ZNF808: variants seen among roughly 807,000 people sequenced by gnomAD.
The protein encoded by ZNF808 is zinc finger protein 808.
A neutral mutation model predicts 8.7 loss-of-function variants in ZNF808; 5 were observed. The observed-to-expected ratio is 0.58, with a 90% CI of 0.30 to 1.21. ZNF808 has a LOEUF of 1.21. Among genes scored for constraint, ZNF808 ranks in the 50% most tolerant of loss-of-function variants. The probability of loss-of-function intolerance (pLI) is 0.07; values close to 1 mark genes in which losing one functional copy is unlikely to be tolerated. For missense variants in ZNF808, 1,103 were observed against 1,098.4 expected (o/e 1.00, Z -0.06); for synonymous variants, 380 against 366.0 (o/e 1.04, Z -0.44).
intron 1 of ZNF808, among the ~76,000 whole-genome samples, chr19:52,528,861 G>T (rs1490623064): frequency 2.0e-5 from 3 of 151,994 alleles, no homozygotes; most frequent in Non-Finnish European, 4.4e-5. Context: ...ACGATTGAAA[G>T]ATTGGGGAGA....
In ZNF808 at chr19:52,554,174, C is replaced by T. The variant is rs1407567485; in HGVS notation, c.1258C>T (p.Leu420Phe). 6.2e-7 allele frequency: 1 copy of T among 1,613,932 alleles called. No individual in the cohort carries two copies. Among genetic ancestry groups the T allele is most frequent in the Admixed American group, 1.7e-5 (1 of 60,000 alleles). ...HQSSLARHHI[L>F]HTGEKPYKCE... ...ATCAAGCCTTGCACGTCATCATATACTTCATACTGGAGAGAAACCTTACAA... is the reference window on the plus strand; with the variant it reads ...ATCAAGCCTTGCACGTCATCATATATTTCATACTGGAGAGAAACCTTACAA... Residue 420 changes from leucine (L) to phenylalanine (F), a missense_variant, in exon 5 of 5, where the codon CTT becomes TTT. Physicochemically the swap from Leu to Phe is conservative, Grantham distance 22. Coordinates refer to ENST00000359798, the MANE Select transcript of ZNF808 (RefSeq NM_001039886.4).
intron 4 of ZNF808, among the ~76,000 whole-genome samples, chr19:52,550,705 GA>G (rs1305226443): frequency 6.6e-6 from 1 of 151,984 alleles, no homozygotes; most frequent in Non-Finnish European, 1.5e-5. Flanking sequence ...ATTTTTAGGA[GA>G]GATGGGGTTT....
chr19:52,533,325 C>G (rs1289395858), intron 2 of ZNF808, among the ~76,000 whole-genome samples: 1 of 152,066 alleles, frequency 6.6e-6, no homozygotes, highest in Non-Finnish European at 1.5e-5. Flanking sequence ...CTCCCAGGTA[C>G]ATGAGATTCT....
chr19:52,561,311 A>C (rs542392552), downstream of ZNF808, among the ~76,000 whole-genome samples: 1 of 151,306 alleles, frequency 6.6e-6, no homozygotes, highest in Non-Finnish European at 1.5e-5. Context: ...ACATGTATAC[A>C]TGTTCCATGT....
rs779563910 is a variant in ZNF808, at chr19:52,555,246, C to G, written c.2330C>G (p.Ser777Cys). 2 of 1,613,932 alleles carry G rather than the reference C, an allele frequency of 1.2e-6. No homozygotes were observed. The highest frequency in any genetic ancestry group is 4.5e-5 in the East Asian group (2 of 44,850). Residue 777 changes from serine to cysteine, a missense_variant, in exon 5 of 5, where the codon TCC (serine) becomes TGC (cysteine). Coordinates refer to ENST00000359798, the MANE Select transcript of ZNF808 (RefSeq NM_001039886.4). The part of the protein sequence containing the change: ...DCGNTFRHWS[S>C]LVYHRRLHTG... The stretch of plus-strand genomic sequence containing the variant: ...GGCAATACCTTCCGTCACTGGTCAT[C>G]CCTTGTATACCATCGTAGACTTCAT...
At chr19:52,531,174 T>C (rs2059558651) in intron 1 of ZNF808, among the ~76,000 whole-genome samples, 1 of 152,102 alleles carries the variant, frequency 6.6e-6, no homozygotes, top group Admixed American at 6.6e-5. Context: ...TGTCTCCCTT[T>C]ATATAAGCAG....
intron 2 of ZNF808, among the ~76,000 whole-genome samples, chr19:52,535,364 AG>A (rs1469780212): frequency 2.7e-5 from 4 of 148,636 alleles, no homozygotes; most frequent in Non-Finnish European, 5.9e-5. Flanking sequence ...AAGAGAGAAA[AG>A]GAAAAGAGCG....
At chr19:52,552,998 T>C in intron 4 of ZNF808, 109 bp from the exon 5 acceptor site, 1 of 1,398,330 alleles carries the variant, frequency 7.2e-7, no homozygotes, top group Non-Finnish European at 9.4e-7. Flanking sequence ...TTGAATATCA[T>C]GTTTGGGAAT....
chr19:52,566,344 TTAG>T (rs2059873010), downstream of ZNF808, among the ~76,000 whole-genome samples: 1 of 151,988 alleles, frequency 6.6e-6, no homozygotes, highest in Non-Finnish European at 1.5e-5. Flanking sequence ...TCTTTTGTAT[TTAG>T]TAGAGACTGG....
At chr19:52,536,414 C>G (rs1457240295) in intron 2 of ZNF808, among the ~76,000 whole-genome samples, 1 of 152,146 alleles carries the variant, frequency 6.6e-6, no homozygotes, top group Non-Finnish European at 1.5e-5. Flanking sequence ...GAGCGAAGCG[C>G]TGTGTCCCCA....
chr19:52,567,731 G>A (rs934461393), downstream of ZNF808, among the ~76,000 whole-genome samples: 2 of 151,704 alleles, frequency 1.3e-5, no homozygotes, highest in Non-Finnish European at 2.9e-5. Context: ...CTCTATATTG[G>A]TCAGGCTGGT....
chr19:52,543,627 G>A (rs2059693735), intron 3 of ZNF808, among the ~76,000 whole-genome samples: 1 of 152,196 alleles, frequency 6.6e-6, no homozygotes, highest in Non-Finnish European at 1.5e-5. Flanking sequence ...AACATGGGGT[G>A]TGGGCCCGTT....
At chr19:52,548,367 A>G (rs1022216537) in intron 4 of ZNF808, among the ~76,000 whole-genome samples, 1 of 152,194 alleles carries the variant, frequency 6.6e-6, no homozygotes, top group African/African-American at 2.4e-5. Context: ...AGGTTTCCAT[A>G]GTTTAGTTCT....
intron 2 of ZNF808, among the ~76,000 whole-genome samples, chr19:52,542,775 A>G (rs763304406): frequency 1.1e-4 from 17 of 152,062 alleles, no homozygotes; most frequent in Non-Finnish European, 2.5e-4. Context: ...TTTAGGTCAC[A>G]GAGAAATGAG....
intron 2 of ZNF808, chr19:52,536,003 A>C (rs2059607019): frequency 6.2e-6 from 1 of 160,906 alleles, no homozygotes; most frequent in East Asian, 1.8e-4. Context: ...TGGGCGCGCA[A>C]ACCCCGAGGC....
Position 52,554,149 on chromosome 19 carries a change from A to G in ZNF808, c.1233A>G (p.Gln411=), listed in dbSNP as rs375755660. ...CNECGKAFNH[Q]SSLARHHILH... Reference sequence around the variant, plus strand: ...AGTGTGGTAAGGCTTTTAATCATCAATCAAGCCTTGCACGTCATCATATAC... The same window carrying G: ...AGTGTGGTAAGGCTTTTAATCATCAGTCAAGCCTTGCACGTCATCATATAC... The change falls in exon 5 of 5, where the codon CAA becomes CAG. Residue 411 remains glutamine, a synonymous_variant. Coordinates refer to ENST00000359798, the MANE Select transcript of ZNF808 (RefSeq NM_001039886.4). 382 of 1,614,134 alleles carry G rather than the reference A, an allele frequency of 2.4e-4. 2 individuals are homozygous for G. The highest frequency in any genetic ancestry group is 1.6e-3 in the Middle Eastern group (10 of 6,062).
rs2059689230 is a variant in ZNF808, at chr19:52,543,215, G to A, written c.-19-51G>A. 5 of 1,588,128 alleles carry A rather than the reference G, an allele frequency of 3.1e-6. No homozygotes were observed. In the Middle Eastern group the frequency reaches 6.7e-4, roughly 213 times the overall value. ...CCCGGTTCATGTGGTTTTGTCACAG[G>A]AAGGGAGTGAGTCATTTCTAACATG... On this transcript the variant is annotated intron_variant, in intron 2 of 4. Transcript: ENST00000359798.
intron 4 of ZNF808, among the ~76,000 whole-genome samples, chr19:52,552,054 G>T (rs1340557334): frequency 1.3e-5 from 2 of 149,412 alleles, no homozygotes; most frequent in Non-Finnish European, 3.0e-5. Context: ...GTCTCACTCT[G>T]TCGCCCAGGC....
chr19:52,557,031 G>C (rs2059840142), downstream of ZNF808, among the ~76,000 whole-genome samples: 1 of 152,072 alleles, frequency 6.6e-6, no homozygotes, highest in Non-Finnish European at 1.5e-5. Flanking sequence ...GGAGTGCAGT[G>C]GTGCGATCTC....
Sources: allele counts gnomAD v4.1 joint callset (sites outside exome capture counted in the v4.1 genomes callset), GRCh38; gene constraint gnomAD v4.1.1; transcripts MANE v1.5; gene names NCBI Gene and HGNC (gene_info 2026-07-23, HGNC 2026-07-21).